The following CACNG7 variants were observed in gnomAD, a reference collection of about 807,000 sequenced individuals.
CACNG7 encodes calcium voltage-gated channel auxiliary subunit gamma 7.
Under a neutral mutation model 26.3 loss-of-function variants are expected in CACNG7, and 9 were observed. The observed-to-expected ratio is 0.34, with a 90% CI of 0.21 to 0.60. The LOEUF (loss-of-function observed/expected upper bound fraction) is 0.60. Ranked by LOEUF, CACNG7 falls within the 20% of genes least tolerant of loss-of-function variation. The pLI, the probability that CACNG7 is intolerant of heterozygous loss-of-function variation, is 0.81. For missense variants in CACNG7, 297 were observed against 380.4 expected, an observed-to-expected ratio of 0.78 and a Z score of 1.82; for synonymous variants, 170 against 157.0, an observed-to-expected ratio of 1.08 and a Z score of -0.62.
intron 4 of CACNG7, among the ~76,000 whole-genome samples, chr19:53,927,708 G>A (rs888391754): frequency 6.6e-6 from 1 of 151,882 alleles, no homozygotes; most frequent in Non-Finnish European, 1.5e-5. Context: ...CCTGGTGGCA[G>A]GCGCCTGTAA....
intron 4 of CACNG7, 84 bp from the exon 5 acceptor site, chr19:53,941,386 G>A: frequency 1.4e-6 from 2 of 1,418,044 alleles, no homozygotes; most frequent in Non-Finnish European, 1.9e-6. Context: ...AGAATGGGGA[G>A]GAGGGGAAGG....
chr19:53,920,879 G>T (rs1415022742), intron 4 of CACNG7, among the ~76,000 whole-genome samples: 1 of 115,764 alleles, frequency 8.6e-6, no homozygotes, highest in African/African-American at 3.9e-5. Context: ...GTCATTGGTG[G>T]AGTTGTCCCA....
Position 53,942,493 on chromosome 19 carries a change from CCT to C in CACNG7, c.*204_*205del. The C allele has an allele frequency of 2.1e-6, 3 of 1,425,990 alleles. No individual in the cohort carries two copies. Among genetic ancestry groups the C allele is most frequent in the Non-Finnish European group, 1.8e-6 (2 of 1,094,378 alleles). The allele number at this position is 1,425,990 out of a possible 1,614,324, so 88.3% of individuals were successfully genotyped here. On this transcript the variant is annotated 3_prime_UTR_variant, in exon 6 of 6. Coordinates refer to ENST00000391767, the MANE Select transcript of CACNG7 (RefSeq NM_031896.5). The surrounding 1 kb of genome is among the most constrained non-coding windows in gnomAD (Gnocchi z 5.9). ...CAATGGCCGCGCCCTCTTTTCCCGA[CCT>C]CTCCTTTTCATTGGTCCCTCTCACT...
At position 53,933,307 on chromosome 19, in the gene CACNG7, T is replaced by C. The variant is rs1020861189; in HGVS notation, c.425-8163T>C. 1.6e-4 allele frequency among the ~76,000 whole-genome samples: 24 copies of C among 148,036 alleles called. 1 individual carries two copies. The highest frequency in any genetic ancestry group is 6.0e-5 in the Non-Finnish European group (4 of 66,808). On this transcript the variant is annotated intron_variant, in intron 4 of 5. Transcript: ENST00000391767. Reference sequence around the variant, plus strand: ...CACCACGCCTGGCCAATTTTTTTTTTTTTTTTTTTTTGAGATGGACTCTCG... The same window carrying C: ...CACCACGCCTGGCCAATTTTTTTTTCTTTTTTTTTTTGAGATGGACTCTCG...
intron 2 of CACNG7, 32 bp from the exon 3 acceptor site, chr19:53,914,468 C>G (rs573300409): frequency 1.3e-6 from 2 of 1,597,084 alleles, no homozygotes; most frequent in East Asian, 2.2e-5. Context: ...AGGAGCCTCT[C>G]ATCCAGCCCT....
At chr19:53,913,133 C>G in intron 2 of CACNG7, 106 bp downstream of exon 2, 1 of 1,016,024 alleles carries the variant, frequency 9.8e-7, no homozygotes. Flanking sequence ...AGAAACGGAT[C>G]CTGATTCTCT....
intron 1 of CACNG7, among the ~76,000 whole-genome samples, chr19:53,911,348 G>A (rs2068861094): frequency 1.3e-5 from 2 of 152,246 alleles, no homozygotes; most frequent in Admixed American, 1.3e-4. Flanking sequence ...TTCCAGGTGT[G>A]AGCCACCTCA....
chr19:53,915,012 A>T (rs1374684841), intron 3 of CACNG7, among the ~76,000 whole-genome samples: 1 of 148,580 alleles, frequency 6.7e-6, no homozygotes, highest in African/African-American at 2.5e-5. Flanking sequence ...TCTCAAAAAA[A>T]AAAATAAATA....
Position 53,912,561 on chromosome 19 carries a change from A to T in CACNG7, c.-29-242A>T, listed in dbSNP as rs1323599461. On this transcript the variant is annotated intron_variant, in intron 1 of 5. Transcript: ENST00000391767. This position sits in a 1 kb window ranked among gnomAD's most constrained non-coding sequence, Gnocchi z 4.6. The stretch of plus-strand genomic sequence containing the variant: ...TCTAATTCTGGGGTTGGGGATCTGG[A>T]TCTGGAGCTAGACCACAGGCAGCAG... Among the ~76,000 whole-genome samples, 1 of 152,126 alleles carries T rather than the reference A, an allele frequency of 6.6e-6. No individual in the cohort carries two copies. The highest frequency in any genetic ancestry group is 1.5e-5 in the Non-Finnish European group (1 of 68,030).
intron 4 of CACNG7, among the ~76,000 whole-genome samples, chr19:53,932,875 T>G (rs965487998): frequency 5.3e-5 from 8 of 150,596 alleles, no homozygotes; most frequent in African/African-American, 2.0e-4. Flanking sequence ...GCTCTTGTCG[T>G]CCAGGCACTG....
chr19:53,934,477 T>A (rs1442618833), intron 4 of CACNG7, among the ~76,000 whole-genome samples: 1 of 152,080 alleles, frequency 6.6e-6, no homozygotes, highest in Non-Finnish European at 1.5e-5. Context: ...TTTTTCTTTT[T>A]ACAATGAAAA....
intron 4 of CACNG7, among the ~76,000 whole-genome samples, chr19:53,923,966 TATTGGTGGAGTTGTCCCCAGGCCTGGTC>T (rs1599983050): frequency 1.1e-4 from 13 of 118,286 alleles, no homozygotes; most frequent in African/African-American, 1.4e-4. Context: ...CCAGGTCTGG[TATTGGTGGAGTTGTCCCCAGGCCTGGTC>T]ATTGGTGGAG....
intron 4 of CACNG7, among the ~76,000 whole-genome samples, chr19:53,921,600 G>C (rs1349354911): frequency 1.8e-5 from 2 of 108,950 alleles, no homozygotes; most frequent in Non-Finnish European, 3.5e-5. Flanking sequence ...GTCATTGGTG[G>C]AGTCGTCCCC....
rs769846106 is a variant in CACNG7, at chr19:53,912,959, C to A, written c.128C>A (p.Pro43Gln). 6.2e-7 allele frequency: 1 copy of A among 1,613,762 alleles called. No individual in the cohort carries two copies. The change falls in exon 2 of 6, where the codon CCG (proline) becomes CAG (glutamine). Residue 43 changes from proline (P) to glutamine (Q), a missense_variant. Physicochemically the swap from Pro to Gln is moderately conservative, Grantham distance 76. Coordinates refer to ENST00000391767, the MANE Select transcript of CACNG7 (RefSeq NM_031896.5). The surrounding 1 kb of genome is among the most constrained non-coding windows in gnomAD (Gnocchi z 4.6). ...WLYMEEGTVL[P>Q]QNQTTEVKMA... ...TACATGGAAGAAGGCACAGTGCTAC[C>A]GCAGAACCAGACCACCGAGGTCAAG...
intron 1 of CACNG7, among the ~76,000 whole-genome samples, chr19:53,911,770 GGATGTCATGTGT>G (rs2068864030): frequency 6.6e-6 from 1 of 152,224 alleles, no homozygotes; most frequent in Admixed American, 6.5e-5. Flanking sequence ...GAGGATGGGA[GGATGTCATGTGT>G]GATGTCATCT....
At chr19:53,934,983 C>T (rs2069096090) in intron 4 of CACNG7, among the ~76,000 whole-genome samples, 1 of 151,578 alleles carries the variant, frequency 6.6e-6, no homozygotes, top group African/African-American at 2.4e-5. Context: ...GCCTTTCTGT[C>T]TCTCTCTCTC....
At chr19:53,926,543 TA>T (rs1264550232) in intron 4 of CACNG7, among the ~76,000 whole-genome samples, 8 of 152,196 alleles carry the variant, frequency 5.3e-5, no homozygotes, top group Non-Finnish European at 1.2e-4. Flanking sequence ...CTTTATTTCA[TA>T]TTTTTTCATA....
chr19:53,918,256 G>A (rs1436040111), intron 4 of CACNG7, among the ~76,000 whole-genome samples: 1 of 152,190 alleles, frequency 6.6e-6, no homozygotes, highest in Non-Finnish European at 1.5e-5. Context: ...AGCTTTTTCT[G>A]CTTAGGGCCA....
intron 1 of CACNG7, among the ~76,000 whole-genome samples, chr19:53,911,226 C>T (rs144555597): frequency 0.023 from 3,472 of 152,020 alleles, 124 homozygotes; most frequent in African/African-American, 0.078. Context: ...CCACCGTGCC[C>T]GGCTAATTTT....
Sources: allele counts gnomAD v4.1 joint callset (sites outside exome capture counted in the v4.1 genomes callset), GRCh38; gene constraint gnomAD v4.1.1; non-coding constraint Gnocchi (gnomAD v3.1); transcripts MANE v1.5; gene names NCBI Gene and HGNC (gene_info 2026-07-23, HGNC 2026-07-21).